C1orf21: variants seen among roughly 807,000 people sequenced by gnomAD.
The protein encoded by C1orf21 is uncharacterized protein C1orf21.
A neutral mutation model predicts 18.7 loss-of-function variants in C1orf21; 3 were observed. That is an observed-to-expected ratio of 0.16 (90% CI 0.07 to 0.42). The LOEUF is 0.42. C1orf21 is among the 10% of genes least tolerant of loss of function. The probability of loss-of-function intolerance (pLI) is 0.99; values close to 1 mark genes in which losing one functional copy is unlikely to be tolerated. For synonymous variants in C1orf21, 41 were observed against 46.4 expected (o/e 0.88, Z 0.47); for missense variants, 104 against 143.6 (o/e 0.72, Z 1.41).
chr1:184,618,644 C>A (rs559994285), intron 5 of C1orf21, among the ~76,000 whole-genome samples: 7 of 148,734 alleles, frequency 4.7e-5, no homozygotes, highest in African/African-American at 1.2e-4. Context: ...ATTCCCCCCC[C>A]CCAAGAAAAA....
At chr1:184,570,208 G>A (rs10911612) in intron 3 of C1orf21, among the ~76,000 whole-genome samples, 25,777 of 151,980 alleles carry the variant, frequency 0.17, 2,466 homozygotes, top group East Asian at 0.31. Flanking sequence ...ATCAGTAAAA[G>A]ACATGGGATC....
intron 2 of C1orf21, among the ~76,000 whole-genome samples, chr1:184,481,102 A>G (rs1300629499): frequency 6.6e-6 from 1 of 152,116 alleles, no homozygotes; most frequent in East Asian, 1.9e-4. Flanking sequence ...TTATGATTGC[A>G]TTTCTGAAGA....
intron 5 of C1orf21, among the ~76,000 whole-genome samples, chr1:184,608,873 A>G (rs1659688887): frequency 6.6e-6 from 1 of 151,916 alleles, no homozygotes; most frequent in South Asian, 2.1e-4. Context: ...GTTCTTCCCA[A>G]CCCTGGGTCC....
intron 1 of C1orf21, among the ~76,000 whole-genome samples, chr1:184,443,432 A>G (rs1268524720): frequency 1.3e-5 from 2 of 152,120 alleles, no homozygotes; most frequent in African/African-American, 2.4e-5. Context: ...TAAAAATACC[A>G]TGTTAACTTT....
At chr1:184,587,262 C>CTTTTTTTT (rs35263651) in intron 3 of C1orf21, among the ~76,000 whole-genome samples, 1 of 76,456 alleles carries the variant, frequency 1.3e-5, no homozygotes, top group Non-Finnish European at 2.9e-5. Context: ...GCTATTTGGG[C>CTTTTTTTT]TTTTTTTTTT....
At chr1:184,590,677 T>G (rs1659424343) in intron 3 of C1orf21, 62 bp from the exon 4 acceptor site, 9 of 1,496,716 alleles carry the variant, frequency 6.0e-6, no homozygotes, top group Middle Eastern at 1.7e-4. Flanking sequence ...TGAAAACTCA[T>G]ACACTTGTTT....
At position 184,593,336 on chromosome 1, in the gene C1orf21, A is replaced by G. The variant is rs548448366; in HGVS notation, c.266+2521A>G. Among the ~76,000 whole-genome samples the G allele has an allele frequency of 3.9e-5, 6 of 152,262 alleles. 2 individuals carry two copies. Among genetic ancestry groups the G allele is most frequent in the African/African-American group, 1.4e-4 (6 of 41,556 alleles). On this transcript the variant is annotated intron_variant, in intron 4 of 5. Coordinates refer to ENST00000235307, the MANE Select transcript of C1orf21 (RefSeq NM_030806.4). The stretch of plus-strand genomic sequence containing the variant: ...ATGTATTTCAAACTGTGAACAGAAC[A>G]TTGGATTCCTGGAATTCAATTAAGA...
intron 1 of C1orf21, among the ~76,000 whole-genome samples, chr1:184,449,829 A>C (rs1657095964): frequency 6.6e-6 from 1 of 152,198 alleles, no homozygotes; most frequent in African/African-American, 2.4e-5. Context: ...TTGTGTGATC[A>C]TGTATCTCCA....
rs1658998365 is a variant in C1orf21, at chr1:184,563,893, G to T, written c.190-26846G>T. 2.0e-5 allele frequency among the ~76,000 whole-genome samples: 3 copies of T among 152,210 alleles called. No homozygotes were observed. In the South Asian group the frequency reaches 6.2e-4, roughly 32 times the overall value. ...GGTGAATTTTAGGAACACAGTCTCA[G>T]GGGTTTGGGCTCTTGAGCAGTTTAA... On this transcript the variant is annotated intron_variant, in intron 3 of 5. Coordinates refer to ENST00000235307, the MANE Select transcript of C1orf21 (RefSeq NM_030806.4).
chr1:184,490,106 G>C (rs1001172882), intron 2 of C1orf21, among the ~76,000 whole-genome samples: 1 of 152,186 alleles, frequency 6.6e-6, no homozygotes. Flanking sequence ...AGAAATGTTA[G>C]CCCAGGCATA....
At chr1:184,390,305 C>T (rs980767354) in intron 1 of C1orf21, among the ~76,000 whole-genome samples, 1 of 152,050 alleles carries the variant, frequency 6.6e-6, no homozygotes, top group Admixed American at 6.5e-5. Flanking sequence ...AATCCAGACG[C>T]ATCAAAGAGT....
At chr1:184,472,720 A>C (rs896902616) in intron 1 of C1orf21, among the ~76,000 whole-genome samples, 1 of 152,186 alleles carries the variant, frequency 6.6e-6, no homozygotes, top group African/African-American at 2.4e-5. Context: ...GAATTATTAT[A>C]ATCTTTCCTT....
chr1:184,609,274 G>C (rs954557414), intron 5 of C1orf21, among the ~76,000 whole-genome samples: 8 of 152,158 alleles, frequency 5.3e-5, no homozygotes, highest in Admixed American at 5.2e-4. Flanking sequence ...GACCTACCAA[G>C]TTCTCTAATC....
chr1:184,509,993 C>A (rs766984665), intron 3 of C1orf21, among the ~76,000 whole-genome samples: 1 of 152,098 alleles, frequency 6.6e-6, no homozygotes, highest in East Asian at 1.9e-4. Flanking sequence ...GTGAGTACTG[C>A]GTGAGATGAT....
intron 4 of C1orf21, among the ~76,000 whole-genome samples, chr1:184,594,401 G>T (rs746216607): frequency 6.6e-6 from 1 of 152,112 alleles, no homozygotes; most frequent in Non-Finnish European, 1.5e-5. Flanking sequence ...CAGGAGAAAA[G>T]ATATCAATTT....
At chr1:184,479,807 G>A (rs909621447) in intron 2 of C1orf21, among the ~76,000 whole-genome samples, 1 of 151,754 alleles carries the variant, frequency 6.6e-6, no homozygotes, top group Non-Finnish European at 1.5e-5. Flanking sequence ...ATTTTTAATA[G>A]AGATAGGGTT....
chr1:184,610,360 A>G (rs114856804), intron 5 of C1orf21, among the ~76,000 whole-genome samples: 2,438 of 152,308 alleles, frequency 0.016, 41 homozygotes, highest in Non-Finnish European at 0.023. Flanking sequence ...TAAAATATTT[A>G]CTGTGGCCCT....
intron 5 of C1orf21, among the ~76,000 whole-genome samples, chr1:184,600,219 T>G (rs749065725): frequency 3.3e-5 from 5 of 151,960 alleles, no homozygotes; most frequent in Non-Finnish European, 5.9e-5. Flanking sequence ...CAGGCTGGAG[T>G]GCAGTGGTGC....
At chr1:184,513,022 G>C (rs1390561136) in intron 3 of C1orf21, among the ~76,000 whole-genome samples, 2 of 152,220 alleles carry the variant, frequency 1.3e-5, no homozygotes, top group Non-Finnish European at 2.9e-5. Flanking sequence ...TAGGTTGCAT[G>C]CTCCTTATGA....
Sources: gnomAD v4.1 joint callset for allele counts (sites outside exome capture counted in the v4.1 genomes callset) on GRCh38, gnomAD v4.1.1 for gene constraint, MANE v1.5 for transcripts, NCBI Gene and HGNC (gene_info 2026-07-23, HGNC 2026-07-21) for gene names.